The following DYNC2H1 variants were observed in gnomAD, a reference collection of about 807,000 sequenced individuals.
DYNC2H1 encodes dynein cytoplasmic 2 heavy chain 1.
In DYNC2H1, 410 loss-of-function variants were observed where a neutral mutation model predicts 570.0. That is an observed-to-expected ratio of 0.72 (90% confidence interval 0.66 to 0.78). The LOEUF (loss-of-function observed/expected upper bound fraction) is 0.78, where lower values mean the gene tolerates loss of function less well. DYNC2H1 is among the 30% of genes least tolerant of loss of function. The pLI is 0.00. For synonymous variants in DYNC2H1, 1,688 were observed against 1,677.6 expected (o/e 1.01, Z -0.15); for missense variants, 4,865 against 5,046.4 (o/e 0.96, Z 1.09).
At position 103,259,872 on chromosome 11, in the gene DYNC2H1, C is replaced by T. The variant is rs957582442; in HGVS notation, c.10606-16C>T. 14 of 1,473,542 alleles carry T rather than the reference C, an allele frequency of 9.5e-6. No individual in the cohort carries two copies. In the East Asian group the frequency reaches 2.8e-4, roughly 30 times the overall value. 91.3% of individuals were successfully genotyped at this position (1,473,542 alleles called of 1,614,324 possible). A position where few individuals can be genotyped will look rare whatever the true frequency, so the allele number is the denominator to read the frequency against. ...GTTTATAAATTTCCTAATGAATTTC[C>T]AATTATAATCTACAGGATTCTGAAA... On this transcript the variant is annotated splice_polypyrimidine_tract_variant and intron_variant, in intron 69 of 88. Transcript: ENST00000375735.
Position 103,185,166 on chromosome 11 carries a change from T to A in DYNC2H1, c.6633+115T>A. ...ATATGGAACTTTTAAAATTTGAAAT[T>A]ATGTATTCAATTGAGTAATAATGTA... On this transcript the variant is annotated intron_variant, in intron 41 of 88. Coordinates refer to ENST00000375735, the MANE Select transcript of DYNC2H1 (RefSeq NM_001377.3). The surrounding 1 kb of genome is among the most constrained non-coding windows in gnomAD (Gnocchi z 4.5). 1.1e-6 allele frequency: 1 copy of A among 901,230 alleles called. No homozygotes were observed. Among genetic ancestry groups the A allele is most frequent in the South Asian group, 2.3e-5 (1 of 43,868 alleles). 55.8% of individuals were successfully genotyped at this position (901,230 alleles called of 1,614,324 possible).
At position 103,289,856 on chromosome 11, in the gene DYNC2H1, C is replaced by T. The variant is rs1866521600; in HGVS notation, c.11095+2251C>T. On this transcript the variant is annotated intron_variant, in intron 75 of 88. Coordinates refer to ENST00000375735, the MANE Select transcript of DYNC2H1 (RefSeq NM_001377.3). This position sits in a 1 kb window ranked among gnomAD's most constrained non-coding sequence, Gnocchi z 4.2. ...CCTATATTTAGTTACGATATTTGGA[C>T]TGAGTGTTCCTCAATCCAATATGAT... is the stretch of plus-strand genomic sequence containing the variant. Among the ~76,000 whole-genome samples the T allele has an allele frequency of 6.6e-6, 1 of 152,068 alleles. No individual in the cohort carries two copies. The highest frequency in any genetic ancestry group is 1.5e-5 in the Non-Finnish European group (1 of 68,010).
intron 88 of DYNC2H1, among the ~76,000 whole-genome samples, chr11:103,478,892 A>T (rs1273314517): frequency 6.6e-6 from 1 of 152,184 alleles, no homozygotes; most frequent in East Asian, 1.9e-4. Context: ...AAAATACTCC[A>T]ATGTTTGGGG....
chr11:103,262,827 G>A (rs1436973253), intron 70 of DYNC2H1, among the ~76,000 whole-genome samples: 1 of 151,950 alleles, frequency 6.6e-6, no homozygotes, highest in Non-Finnish European at 1.5e-5. Context: ...ATAATGACAG[G>A]ATCAAATTCA....
intron 83 of DYNC2H1, among the ~76,000 whole-genome samples, chr11:103,379,835 A>C (rs1941562440): frequency 6.6e-6 from 1 of 152,198 alleles, no homozygotes; most frequent in African/African-American, 2.4e-5. Context: ...AAGCCCTCTC[A>C]GTTGTTACTT....
chr11:103,315,349 T>C (rs540010464), intron 79 of DYNC2H1, among the ~76,000 whole-genome samples: 5 of 152,210 alleles, frequency 3.3e-5, no homozygotes, highest in East Asian at 1.9e-4. Context: ...CCAAAACTTA[T>C]GTTTTTGTTT....
chr11:103,166,171 T>A, intron 31 of DYNC2H1, 123 bp downstream of exon 31: 1 of 688,472 alleles, frequency 1.5e-6, no homozygotes, highest in Non-Finnish European at 2.1e-6. Context: ...AATTACAACA[T>A]ATATACTTAA....
chr11:103,327,560 A>G (rs1298602703), intron 82 of DYNC2H1, among the ~76,000 whole-genome samples: 1 of 152,198 alleles, frequency 6.6e-6, no homozygotes, highest in East Asian at 1.9e-4. Context: ...TAGTCTCAGT[A>G]TCATTCAGGT....
At chr11:103,336,084 A>G (rs1448822822) in intron 82 of DYNC2H1, among the ~76,000 whole-genome samples, 1 of 152,158 alleles carries the variant, frequency 6.6e-6, no homozygotes, top group Admixed American at 6.5e-5. Flanking sequence ...TAACCTTCTT[A>G]TATGGGGAAA....
chr11:103,349,840 A>G (rs1720037390), intron 82 of DYNC2H1, among the ~76,000 whole-genome samples: 1 of 152,116 alleles, frequency 6.6e-6, no homozygotes, highest in African/African-American at 2.4e-5. Context: ...CTTGAGTGAA[A>G]TCTCATCTCA....
intron 79 of DYNC2H1, among the ~76,000 whole-genome samples, chr11:103,315,816 T>G (rs1377802196): frequency 1.3e-5 from 2 of 152,078 alleles, no homozygotes; most frequent in Non-Finnish European, 1.5e-5. Context: ...AGGGATAATT[T>G]TTTTGTTCAT....
Position 103,215,862 on chromosome 11 carries a change from A to C in DYNC2H1, c.8832+4A>C, listed in dbSNP as rs760118581. The C allele has an allele frequency of 6.2e-7, 1 of 1,608,372 alleles. No individual in the cohort carries two copies. The highest frequency in any genetic ancestry group is 1.7e-5 in the Admixed American group (1 of 59,042). On this transcript the variant is annotated splice_donor_region_variant and intron_variant, in intron 55 of 88. Coordinates refer to ENST00000375735, the MANE Select transcript of DYNC2H1 (RefSeq NM_001377.3). ...AATGATCACAGTGTCAATGCAGGTA[A>C]TGTTTAGAGTGACCACAAAAATGAA... is the stretch of plus-strand genomic sequence containing the variant.
intron 83 of DYNC2H1, among the ~76,000 whole-genome samples, chr11:103,360,575 A>G (rs1278212447): frequency 1.3e-5 from 2 of 151,958 alleles, no homozygotes; most frequent in African/African-American, 4.9e-5. Flanking sequence ...GGTCATTTAT[A>G]ATATATGATC....
Position 103,259,874 on chromosome 11 carries a change from A to G in DYNC2H1, c.10606-14A>G, listed in dbSNP as rs989023092. The G allele has an allele frequency of 9.4e-6, 14 of 1,486,990 alleles. No individual in the cohort carries two copies. Among genetic ancestry groups the G allele is most frequent in the Non-Finnish European group, 1.2e-5 (13 of 1,107,458 alleles). 92.1% of individuals were successfully genotyped at this position (1,486,990 alleles called of 1,614,324 possible). The stretch of plus-strand genomic sequence containing the variant: ...TTATAAATTTCCTAATGAATTTCCA[A>G]TTATAATCTACAGGATTCTGAAAAT... On this transcript the variant is annotated splice_polypyrimidine_tract_variant and intron_variant, in intron 69 of 88. Coordinates refer to ENST00000375735, the MANE Select transcript of DYNC2H1 (RefSeq NM_001377.3).
intron 77 of DYNC2H1, 33 bp from the exon 78 acceptor site, chr11:103,307,688 A>T (rs1171631314): frequency 1.7e-6 from 2 of 1,172,836 alleles, no homozygotes; most frequent in African/African-American, 1.5e-5. Flanking sequence ...ATATATATTT[A>T]AGTAAATTTT....
At chr11:103,353,947 G>A (rs1940182368) in intron 82 of DYNC2H1, among the ~76,000 whole-genome samples, 1 of 151,902 alleles carries the variant, frequency 6.6e-6, no homozygotes, top group Non-Finnish European at 1.5e-5. Flanking sequence ...GGGAGGCCGA[G>A]GCAGGCGGAT....
chr11:103,452,539 GAA>G (rs1944644328), intron 85 of DYNC2H1, among the ~76,000 whole-genome samples: 1 of 151,696 alleles, frequency 6.6e-6, no homozygotes, highest in African/African-American at 2.4e-5. Flanking sequence ...AAAAGATATG[GAA>G]AACTTTTTTT....
chr11:103,409,343 T>C (rs1942992494), intron 84 of DYNC2H1, among the ~76,000 whole-genome samples: 1 of 152,084 alleles, frequency 6.6e-6, no homozygotes, highest in African/African-American at 2.4e-5. Flanking sequence ...ATATTAACAT[T>C]ATTGCTTCTA....
At chr11:103,147,284 A>G (rs955306783) in intron 18 of DYNC2H1, among the ~76,000 whole-genome samples, 1 of 152,108 alleles carries the variant, frequency 6.6e-6, no homozygotes, top group African/African-American at 2.4e-5. Context: ...TTTTTTTTCA[A>G]TTTGATAAGT....
Sources: allele counts gnomAD v4.1 joint callset (sites outside exome capture counted in the v4.1 genomes callset), GRCh38; gene constraint gnomAD v4.1.1; non-coding constraint Gnocchi (gnomAD v3.1); transcripts MANE v1.5; gene names NCBI Gene and HGNC (gene_info 2026-07-23, HGNC 2026-07-21).